Variants in PIAS2 observed in about 807,000 individuals in gnomAD.
The protein encoded by PIAS2 is E3 SUMO-protein ligase PIAS2.
In PIAS2, 19 loss-of-function variants were observed where a neutral mutation model predicts 69.7. The observed-to-expected ratio is 0.27, with a 90% CI of 0.19 to 0.40. The LOEUF (loss-of-function observed/expected upper bound fraction) is 0.40, where lower values mean the gene tolerates loss of function less well. Ranked by LOEUF, PIAS2 falls within the 10% of genes least tolerant of loss-of-function variation. PIAS2 has a pLI of 1.00. For missense variants in PIAS2, 624 were observed against 757.0 expected (o/e 0.82, Z 2.06); for synonymous variants, 261 against 263.2 (o/e 0.99, Z 0.08).
intron 3 of PIAS2, among the ~76,000 whole-genome samples, chr18:46,860,366 T>C (rs938385132): frequency 2.0e-5 from 3 of 152,284 alleles, no homozygotes; most frequent in Middle Eastern, 3.4e-3. Context: ...CTAGATCAAA[T>C]AGATCACTTT....
At chr18:46,891,409 C>T (rs920695126) in intron 1 of PIAS2, among the ~76,000 whole-genome samples, 1 of 152,048 alleles carries the variant, frequency 6.6e-6, no homozygotes, top group Non-Finnish European at 1.5e-5. Flanking sequence ...CAAAACCAAC[C>T]CCTCCCAATA....
chr18:46,816,352 T>C, intron 12 of PIAS2: 14 of 965,884 alleles, frequency 1.4e-5, no homozygotes, highest in Non-Finnish European at 1.6e-5. Context: ...TATTCTCTTA[T>C]AATCTCCAAA....
intron 1 of PIAS2, among the ~76,000 whole-genome samples, chr18:46,916,441 CTCATT>C (rs1308276794): frequency 6.6e-6 from 1 of 151,816 alleles, no homozygotes; most frequent in Non-Finnish European, 1.5e-5. Context: ...CCGTAAACAT[CTCATT>C]TATGTCGCCA....
intron 2 of PIAS2, among the ~76,000 whole-genome samples, chr18:46,877,714 G>A (rs570693778): frequency 5.9e-5 from 9 of 152,238 alleles, no homozygotes; most frequent in East Asian, 3.9e-4. Flanking sequence ...GGGAATAACC[G>A]CGTTAGGGAT....
intron 8 of PIAS2, among the ~76,000 whole-genome samples, chr18:46,841,224 G>A (rs1341100314): frequency 6.6e-6 from 1 of 152,168 alleles, no homozygotes; most frequent in African/African-American, 2.4e-5. Flanking sequence ...CAAGGACAGA[G>A]GTTTTAGAAT....
chr18:46,886,114 T>TC (rs543406071), intron 2 of PIAS2, among the ~76,000 whole-genome samples: 30 of 151,988 alleles, frequency 2.0e-4, no homozygotes, highest in South Asian at 2.1e-4. Flanking sequence ...CTTCACTTAG[T>TC]CCCCCCCAGT....
At chr18:46,831,485 T>C (rs1219031070) in intron 9 of PIAS2, among the ~76,000 whole-genome samples, 3 of 152,186 alleles carry the variant, frequency 2.0e-5, no homozygotes, top group Admixed American at 1.3e-4. Flanking sequence ...TTTCCCCTAA[T>C]TGACAAGCTG....
intron 2 of PIAS2, among the ~76,000 whole-genome samples, chr18:46,883,358 T>G (rs1193370175): frequency 1.3e-5 from 2 of 152,160 alleles, no homozygotes; most frequent in African/African-American, 4.8e-5. Context: ...TCAACATTTA[T>G]GATGCATATA....
chr18:46,829,649 C>A, intron 10 of PIAS2, 85 bp downstream of exon 10: 2 of 1,198,836 alleles, frequency 1.7e-6, no homozygotes, highest in Non-Finnish European at 2.4e-6. Flanking sequence ...AGCTGAATTC[C>A]AAACGTATAG....
At chr18:46,878,051 T>C (rs1371600903) in intron 2 of PIAS2, among the ~76,000 whole-genome samples, 2 of 152,184 alleles carry the variant, frequency 1.3e-5, no homozygotes, top group Non-Finnish European at 2.9e-5. Flanking sequence ...TTATGACAGC[T>C]CTAAATCTAT....
chr18:46,899,982 G>T (rs2055543829), intron 1 of PIAS2, among the ~76,000 whole-genome samples: 1 of 152,184 alleles, frequency 6.6e-6, no homozygotes, highest in African/African-American at 2.4e-5. Context: ...GTGCAAGGGT[G>T]CATTTTGGGA....
chr18:46,861,783 C>T (rs2145568141), intron 3 of PIAS2, among the ~76,000 whole-genome samples: 1 of 152,212 alleles, frequency 6.6e-6, no homozygotes, highest in South Asian at 2.1e-4. Flanking sequence ...GAAACTGTAA[C>T]AGATTGAAGC....
At chr18:46,882,245 T>C (rs573918817) in intron 2 of PIAS2, among the ~76,000 whole-genome samples, 2 of 152,208 alleles carry the variant, frequency 1.3e-5, no homozygotes, top group Non-Finnish European at 2.9e-5. Flanking sequence ...ATTTGAATAC[T>C]GTTTAATCAT....
At chr18:46,875,027 A>T (rs1649738105) in intron 2 of PIAS2, among the ~76,000 whole-genome samples, 1 of 151,976 alleles carries the variant, frequency 6.6e-6, no homozygotes, top group Non-Finnish European at 1.5e-5. Context: ...ACCCCCACCA[A>T]ATTACCTCTA....
chr18:46,886,121 C>T (rs60855484), intron 2 of PIAS2, among the ~76,000 whole-genome samples: 2 of 152,166 alleles, frequency 1.3e-5, no homozygotes, highest in Admixed American at 6.5e-5. Flanking sequence ...TAGTCCCCCC[C>T]AGTCTTCTGT....
intron 2 of PIAS2, among the ~76,000 whole-genome samples, chr18:46,878,437 T>A (rs964929508): frequency 1.3e-5 from 2 of 152,244 alleles, no homozygotes; most frequent in Non-Finnish European, 2.9e-5. Context: ...TGATAAGACA[T>A]TTAGGTCAAA....
At chr18:46,896,738 T>A (rs750695748) in intron 1 of PIAS2, among the ~76,000 whole-genome samples, 120 of 152,344 alleles carry the variant, frequency 7.9e-4, no homozygotes, top group Non-Finnish European at 1.5e-3. Flanking sequence ...TAAGAAGTCT[T>A]TGTGTAACAC....
intron 2 of PIAS2, among the ~76,000 whole-genome samples, chr18:46,890,190 G>A (rs2053847297): frequency 6.6e-6 from 1 of 152,188 alleles, no homozygotes; most frequent in South Asian, 2.1e-4. Flanking sequence ...AGTGGGAGAG[G>A]AGGAGAGGAA....
intron 12 of PIAS2, among the ~76,000 whole-genome samples, chr18:46,819,868 C>A (rs565697658): frequency 1.3e-5 from 2 of 152,136 alleles, no homozygotes; most frequent in African/African-American, 4.8e-5. Context: ...TGTAATATGG[C>A]CTTGGTTGCA....
Sources: allele counts gnomAD v4.1 joint callset (sites outside exome capture counted in the v4.1 genomes callset), GRCh38; gene constraint gnomAD v4.1.1; transcripts MANE v1.5; gene names NCBI Gene and HGNC (gene_info 2026-07-23, HGNC 2026-07-21).